The following PRAMEF10 variants were observed in gnomAD, a reference collection of about 807,000 sequenced individuals.
The protein encoded by PRAMEF10 is PRAME family member 10.
PRAMEF10 carries 4 observed loss-of-function variants against 27.7 expected under a neutral mutation model. The ratio of observed to expected loss-of-function variants is 0.14; its 90% CI spans 0.07 to 0.33. The LOEUF (loss-of-function observed/expected upper bound fraction) is 0.33, where lower values mean the gene tolerates loss of function less well. Among genes scored for constraint, PRAMEF10 ranks in the 10% least tolerant of loss-of-function variants. The pLI is 1.00. For missense variants in PRAMEF10, 99 were observed against 453.9 expected, an observed-to-expected ratio of 0.22 and a Z score of 7.10; for synonymous variants, 46 against 176.0, an observed-to-expected ratio of 0.26 and a Z score of 5.85.
chr1:12,893,459 G>A lies in PRAMEF10; in HGVS notation c.882C>T (p.Pro294=), dbSNP rs2100442235. Reference sequence around the variant, plus strand: ...CATCACTGAATATAAAGGCCCCCAAGGGGTTCTTGAGGTACCTGGGGAGAG... The same window carrying A: ...CATCACTGAATATAAAGGCCCCCAAAGGGTTCTTGAGGTACCTGGGGAGAG... ...LEHLLRYLKN[P]LGAFIFSDAY... Residue 294 remains proline (P), a synonymous_variant, in exon 4 of 4, where the codon CCC becomes CCT. Coordinates refer to ENST00000235347, the MANE Select transcript of PRAMEF10 (RefSeq NM_001039361.4). 6.3e-7 allele frequency: 1 copy of A among 1,599,936 alleles called. No homozygotes were observed. The highest frequency in any genetic ancestry group is 8.5e-7 in the Non-Finnish European group (1 of 1,174,088).
At chr1:12,894,404 T>C (rs1641175788) in intron 3 of PRAMEF10, among the ~76,000 whole-genome samples, 182 bp downstream of exon 3, 1 of 149,688 alleles carries the variant, frequency 6.7e-6, no homozygotes, top group East Asian at 2.0e-4. Flanking sequence ...ATTTGAGTGG[T>C]CTTGTGATAC....
intron 1 of PRAMEF10, among the ~76,000 whole-genome samples, chr1:12,896,114 G>C (rs1641205834): frequency 1.4e-5 from 2 of 147,678 alleles, no homozygotes; most frequent in African/African-American, 5.0e-5. Context: ...AGCCACTGTT[G>C]CAATAAACTC....
intron 1 of PRAMEF10, among the ~76,000 whole-genome samples, chr1:12,897,779 C>A (rs1641232578): frequency 6.7e-6 from 1 of 149,618 alleles, no homozygotes; most frequent in Non-Finnish European, 1.5e-5. Flanking sequence ...ATTGCTTGAG[C>A]CTGGGAGGCA....
At chr1:12,897,364 T>C (rs1641222394) in intron 1 of PRAMEF10, among the ~76,000 whole-genome samples, 1 of 148,908 alleles carries the variant, frequency 6.7e-6, no homozygotes, top group South Asian at 2.2e-4. Context: ...AAAATTAAGG[T>C]CAAAGATCCT....
chr1:12,895,213 C>T (rs761471680), intron 2 of PRAMEF10, 49 bp from the exon 3 acceptor site: 1 of 1,115,578 alleles, frequency 9.0e-7, no homozygotes, highest in Non-Finnish European at 1.3e-6. Flanking sequence ...AGGACCCACC[C>T]CTGACCTGAG....
At chr1:12,896,074 G>A (rs915177765) in intron 1 of PRAMEF10, among the ~76,000 whole-genome samples, 1 of 147,708 alleles carries the variant, frequency 6.8e-6, no homozygotes. Context: ...CTAAAGAGCA[G>A]GCAAGATCCT....
At position 12,893,270 on chromosome 1, in the gene PRAMEF10, C is replaced by T. The variant is rs544758400; in HGVS notation, c.1071G>A (p.Lys357=). 1.3e-5 allele frequency: 21 copies of T among 1,611,628 alleles called. No individual in the cohort carries two copies. In the African/African-American group the frequency reaches 2.4e-4, roughly 18 times the overall value. ...VAATLKTLVL[K]DCRIQDPQLR... is the part of the protein sequence containing the mutation. Reference sequence around the variant, plus strand: ...GTTGGGGGTCCTGGATCCGACAGTCCTTTAAGACGAGGGTCTTGAGAGTAG... The same window carrying T: ...GTTGGGGGTCCTGGATCCGACAGTCTTTTAAGACGAGGGTCTTGAGAGTAG... The change falls in exon 4 of 4, where the codon AAG becomes AAA. Residue 357 remains lysine, a synonymous_variant. Coordinates refer to ENST00000235347, the MANE Select transcript of PRAMEF10 (RefSeq NM_001039361.4).
intron 1 of PRAMEF10, among the ~76,000 whole-genome samples, chr1:12,896,384 C>T (rs1641208808): frequency 6.6e-6 from 1 of 150,858 alleles, no homozygotes; most frequent in African/African-American, 2.5e-5. Context: ...GCATCATTCG[C>T]AAGACACAGG....
rs1051964472 is a variant in PRAMEF10, at chr1:12,894,071, G to A, written c.866+515C>T. ...ATTACAGGTGCCTGTCTGCATGCCC[G>A]GTGACATTTTTTTTTGTATTTTTAG... is the stretch of plus-strand genomic sequence containing the variant. On this transcript the variant is annotated intron_variant, in intron 3 of 3. Transcript: ENST00000235347. 8.6e-5 allele frequency among the ~76,000 whole-genome samples: 13 copies of A among 150,378 alleles called. No individual in the cohort carries two copies. The East Asian group carries it at 1.0e-3, about 12-fold the overall frequency.
At chr1:12,893,971 G>T in intron 3 of PRAMEF10, among the ~76,000 whole-genome samples, 1 of 138,674 alleles carries the variant, frequency 7.2e-6, no homozygotes, top group Non-Finnish European at 1.6e-5. Context: ...TTGTAACCTA[G>T]GCTGGAGTGT....
rs1451958929 is a variant in PRAMEF10, at chr1:12,893,371, C to G, written c.970G>C (p.Glu324Gln). 1 of 1,611,304 alleles carries G rather than the reference C, an allele frequency of 6.2e-7. No homozygotes were observed. Among genetic ancestry groups the G allele is most frequent in the African/African-American group, 1.3e-5 (1 of 74,618 alleles). Reference sequence around the variant, plus strand: ...ATTAGGATATGAATCAGACGCAGCTCCTTTAGCTGACTGAGGCTTGGGTAC... The same window carrying G: ...ATTAGGATATGAATCAGACGCAGCTGCTTTAGCTGACTGAGGCTTGGGTAC... ...SQYPSLSQLK[E>Q]LRLIHILMWT... is the part of the protein sequence containing the mutation. The change falls in exon 4 of 4, where the codon GAG becomes CAG. Residue 324 changes from glutamate to glutamine, a missense_variant. Transcript: ENST00000235347.
chr1:12,897,382 T>C (rs1416339339), intron 1 of PRAMEF10, among the ~76,000 whole-genome samples: 2 of 149,938 alleles, frequency 1.3e-5, no homozygotes, highest in East Asian at 4.0e-4. Flanking sequence ...CCTCTTTGGT[T>C]AAGATTTTTT....
In PRAMEF10 at chr1:12,893,363, ACG is replaced by A; in HGVS notation, c.976_977del (p.Arg326SerfsTer12). 6.2e-7 allele frequency: 1 copy of A among 1,611,558 alleles called. No homozygotes were observed. The highest frequency in any genetic ancestry group is 1.3e-5 in the African/African-American group (1 of 74,716). On this transcript the variant is annotated frameshift_variant, in exon 4 of 4. Transcript: ENST00000235347. LOFTEE classifies it high-confidence loss of function. ...YPSLSQLKEL[R>X]LIHILMWTTN... The stretch of plus-strand genomic sequence containing the variant: ...TGGTCCACATTAGGATATGAATCAG[ACG>A]CAGCTCCTTTAGCTGACTGAGGCTT...
rs575098751 is a variant in PRAMEF10, at chr1:12,896,449, G to T, written c.-25-577C>A. ...TCAAAATGAACCACTTTGGCTGTGC[G>T]CAGTGACTCACACCTGTAATCCCAG... On this transcript the variant is annotated intron_variant, in intron 1 of 3. Transcript: ENST00000235347. Among the ~76,000 whole-genome samples the T allele has an allele frequency of 3.4e-5, 5 of 149,246 alleles. 1 individual carries two copies. The South Asian group carries it at 1.1e-3, about 33-fold the overall frequency.
intron 1 of PRAMEF10, among the ~76,000 whole-genome samples, chr1:12,896,366 A>AG (rs1641208596): frequency 6.6e-6 from 1 of 150,898 alleles, no homozygotes; most frequent in Non-Finnish European, 1.5e-5. Context: ...GCTGTGTGAC[A>AG]GTGTTATGCA....
chr1:12,892,988 G>C lies in PRAMEF10; in HGVS notation c.1353C>G (p.Phe451Leu), dbSNP rs1404612689. The C allele has an allele frequency of 1.9e-6, 3 of 1,578,298 alleles. No homozygotes were observed. Among genetic ancestry groups the C allele is most frequent in the Non-Finnish European group, 2.6e-6 (3 of 1,156,002 alleles). Residue 451 changes from phenylalanine (F) to leucine (L), a missense_variant, in exon 4 of 4, where the codon TTC (phenylalanine) becomes TTG (leucine). Physicochemically the swap from Phe to Leu is conservative, Grantham distance 22. Transcript: ENST00000235347. ...AGTTAGGGCAAGGGACGGGACCAAA[G>C]AAGATCCTCTTGGGCTGCCTGACTT... The part of the protein sequence containing the change: ...LREVRQPKRI[F>L]FGPVPCPNCG...
intron 1 of PRAMEF10, among the ~76,000 whole-genome samples, chr1:12,897,459 G>A (rs1305274517): frequency 1.3e-5 from 2 of 149,512 alleles, no homozygotes; most frequent in African/African-American, 4.9e-5. Context: ...ATGGCTCACT[G>A]CAGCCTCAAT....
At chr1:12,896,087 C>T (rs1641205413) in intron 1 of PRAMEF10, among the ~76,000 whole-genome samples, 1 of 147,954 alleles carries the variant, frequency 6.8e-6, no homozygotes, top group Non-Finnish European at 1.5e-5. Flanking sequence ...AAGATCCTTC[C>T]TAGTCCATGA....
At chr1:12,896,320 A>G (rs1158279208) in intron 1 of PRAMEF10, among the ~76,000 whole-genome samples, 1 of 150,346 alleles carries the variant, frequency 6.7e-6, no homozygotes, top group African/African-American at 2.5e-5. Flanking sequence ...CTCTTCCGGG[A>G]CTCATTATTG....
Sources: allele counts gnomAD v4.1 joint callset (sites outside exome capture counted in the v4.1 genomes callset), GRCh38; gene constraint gnomAD v4.1.1; transcripts MANE v1.5; gene names NCBI Gene and HGNC (gene_info 2026-07-23, HGNC 2026-07-21).